The following TOMM20 variants were observed in gnomAD, a reference collection of about 807,000 sequenced individuals.
The protein encoded by TOMM20 is mitochondrial import receptor subunit TOM20 homolog.
TOMM20 carries 10 observed loss-of-function variants against 22.1 expected under a neutral mutation model. The ratio of observed to expected loss-of-function variants is 0.45; its 90% CI spans 0.28 to 0.77. The LOEUF is 0.77. TOMM20 is among the 30% of genes least tolerant of loss of function. The pLI is 0.13. For missense variants in TOMM20, 121 were observed against 172.2 expected (o/e 0.70, Z 1.66); for synonymous variants, 55 against 61.4 (o/e 0.90, Z 0.49).
chr1:235,127,927 T>C (rs1480753824), intron 1 of TOMM20: 1 of 518,744 alleles, frequency 1.9e-6, no homozygotes, highest in Admixed American at 1.9e-5. Context: ...CAAGAGGGTT[T>C]AAGAATGCAG....
chr1:235,119,755 A>C (rs1660899361), intron 3 of TOMM20, 63 bp downstream of exon 3: 1 of 1,131,362 alleles, frequency 8.8e-7, no homozygotes, highest in Non-Finnish European at 1.3e-6. Flanking sequence ...GCCCCTTATC[A>C]TTATAAATTT....
intron 3 of TOMM20, among the ~76,000 whole-genome samples, chr1:235,117,335 A>G (rs1437669579): frequency 1.3e-5 from 2 of 149,804 alleles, no homozygotes; most frequent in Non-Finnish European, 3.0e-5. Flanking sequence ...GTGCATGCCT[A>G]TAATCCCAGC....
intron 1 of TOMM20, among the ~76,000 whole-genome samples, chr1:235,126,759 C>T (rs912225566): frequency 6.6e-6 from 1 of 152,144 alleles, no homozygotes; most frequent in African/African-American, 2.4e-5. Flanking sequence ...GAGATCACCC[C>T]ACTGCACTCG....
At chr1:235,115,001 C>T (rs538133563) in intron 3 of TOMM20, among the ~76,000 whole-genome samples, 2 of 152,188 alleles carry the variant, frequency 1.3e-5, no homozygotes, top group Admixed American at 6.5e-5. Context: ...TCCCAAGTAG[C>T]TAGGACCATA....
intron 3 of TOMM20, among the ~76,000 whole-genome samples, chr1:235,116,517 A>G (rs562248047): frequency 1.3e-5 from 2 of 151,166 alleles, no homozygotes; most frequent in Non-Finnish European, 1.5e-5. Flanking sequence ...CAGCCTGGCG[A>G]AAGAGTGAGA....
At chr1:235,121,904 A>G (rs1339880175) in intron 2 of TOMM20, among the ~76,000 whole-genome samples, 1 of 152,358 alleles carries the variant, frequency 6.6e-6, no homozygotes. Context: ...GGGATTCTGG[A>G]TCAGTGGGCT....
rs1403696678 is a variant in TOMM20 at position 235,128,833 on chromosome 1, G to A, written c.-118C>T. The A allele has an allele frequency of 2.6e-5, 40 of 1,510,230 alleles. No homozygotes were observed. Among genetic ancestry groups the A allele is most frequent in the East Asian group, 6.8e-5 (3 of 43,818 alleles). The allele number at this position is 1,510,230 out of a possible 1,614,324, so 93.6% of individuals were successfully genotyped here. On this transcript the variant is annotated 5_prime_UTR_variant, in exon 1 of 5. Coordinates refer to ENST00000366607, the MANE Select transcript of TOMM20 (RefSeq NM_014765.3). ...CCGACGGCCGCGGGCCAGGAACACA[G>A]AAAGGCCGAGCACACGCCACTTCCG... is the stretch of plus-strand genomic sequence containing the variant.
rs151022178 is a variant in TOMM20, at chr1:235,112,993, T to C, written c.393+775A>G. 2.4e-3 allele frequency among the ~76,000 whole-genome samples: 360 copies of C among 152,352 alleles called. 3 individuals are homozygous for C. The highest frequency in any genetic ancestry group is 8.2e-3 in the African/African-American group (343 of 41,580). On this transcript the variant is annotated intron_variant, in intron 4 of 4. Coordinates refer to ENST00000366607, the MANE Select transcript of TOMM20 (RefSeq NM_014765.3). The stretch of plus-strand genomic sequence containing the variant: ...TCTTTCCAGTCCTTTTCTAATTCAG[T>C]TGAGTAAAAATCAGTTTGAAAAATT...
chr1:235,126,075 A>G (rs1661013584), intron 1 of TOMM20, among the ~76,000 whole-genome samples: 1 of 151,118 alleles, frequency 6.6e-6, no homozygotes, highest in Admixed American at 6.6e-5. Context: ...GATTAGATAG[A>G]TAGATAGATA....
At chr1:235,120,816 G>C (rs1660918787) in intron 2 of TOMM20, among the ~76,000 whole-genome samples, 1 of 141,822 alleles carries the variant, frequency 7.1e-6, no homozygotes, top group Non-Finnish European at 1.5e-5. Flanking sequence ...GCAGTGAGCT[G>C]TGACTGCACC....
intron 3 of TOMM20, 41 bp from the exon 4 acceptor site, chr1:235,113,951 T>A (rs762976416): frequency 1.3e-6 from 2 of 1,521,744 alleles, no homozygotes; most frequent in Non-Finnish European, 8.8e-7. Flanking sequence ...CTGAAAAGCC[T>A]TGGCCTTTGT....
intron 1 of TOMM20, among the ~76,000 whole-genome samples, chr1:235,126,084 T>C (rs548569217): frequency 5.3e-5 from 8 of 150,518 alleles, no homozygotes; most frequent in South Asian, 2.1e-4. Flanking sequence ...GATAGATAGA[T>C]AGATAAAGAT....
rs1660718391 is a variant in TOMM20, at chr1:235,110,249, C to G, written c.*1815G>C. On this transcript the variant is annotated 3_prime_UTR_variant, in exon 5 of 5. Coordinates refer to ENST00000366607, the MANE Select transcript of TOMM20 (RefSeq NM_014765.3). ...CCCCAAACTTAAGCTGCCCCTCACT[C>G]CTCCAGCCAGCCCTCCTTTTTCTGA... The G allele has an allele frequency of 1.3e-5, 2 of 152,212 alleles. No homozygotes were observed. Among genetic ancestry groups the G allele is most frequent in the Non-Finnish European group, 2.9e-5 (2 of 68,072 alleles). 9.4% of individuals were successfully genotyped at this position (152,212 alleles called of 1,614,324 possible).
Position 235,114,637 on chromosome 1 carries a change from C to T in TOMM20, c.251-727G>A, listed in dbSNP as rs546581416. 2.0e-5 allele frequency among the ~76,000 whole-genome samples: 3 copies of T among 152,136 alleles called. No homozygotes were observed. In the East Asian group the frequency reaches 5.8e-4, roughly 29 times the overall value. ...TATTTTTAGTAGAGACGAGGTTTCA[C>T]CGTGTTAGCCAAGATGGTCTCCATC... On this transcript the variant is annotated intron_variant, in intron 3 of 4. Transcript: ENST00000366607.
At chr1:235,114,426 G>C (rs1476198321) in intron 3 of TOMM20, among the ~76,000 whole-genome samples, 1 of 147,628 alleles carries the variant, frequency 6.8e-6, no homozygotes, top group Non-Finnish European at 1.5e-5. Flanking sequence ...CTGAGTGGGA[G>C]GGCTTATTTT....
intron 3 of TOMM20, among the ~76,000 whole-genome samples, chr1:235,116,462 C>A (rs1660829794): frequency 6.6e-6 from 1 of 151,956 alleles, no homozygotes; most frequent in East Asian, 1.9e-4. Flanking sequence ...TCGCTTGAAC[C>A]TGGAAGACGG....
At chr1:235,118,084 TA>T (rs763521261) in intron 3 of TOMM20, among the ~76,000 whole-genome samples, 25 of 152,314 alleles carry the variant, frequency 1.6e-4, no homozygotes, top group Admixed American at 1.2e-3. Flanking sequence ...ATACTATAAT[TA>T]AATCTCTTCT....
intron 3 of TOMM20, among the ~76,000 whole-genome samples, chr1:235,117,114 G>A (rs187897581): frequency 1.9e-3 from 222 of 116,964 alleles, no homozygotes; most frequent in African/African-American, 6.8e-3. Flanking sequence ...CAGCCTGGGC[G>A]ACAGAGCGAG....
intron 1 of TOMM20, among the ~76,000 whole-genome samples, chr1:235,126,037 T>A (rs940998173): frequency 6.6e-6 from 1 of 151,442 alleles, no homozygotes. Context: ...ATTACAGGCG[T>A]GAGTCACTGC....
Sources: allele counts gnomAD v4.1 joint callset (sites outside exome capture counted in the v4.1 genomes callset), GRCh38; gene constraint gnomAD v4.1.1; transcripts MANE v1.5; gene names NCBI Gene and HGNC (gene_info 2026-07-23, HGNC 2026-07-21).